Variants in NUP210 observed in about 807,000 individuals in gnomAD.
NUP210 encodes the protein nuclear pore membrane glycoprotein 210.
In NUP210, 151 loss-of-function variants were observed where a neutral mutation model predicts 196.0. The ratio of observed to expected loss-of-function variants is 0.77; its 90% CI spans 0.67 to 0.88. The LOEUF (loss-of-function observed/expected upper bound fraction) is 0.88, where lower values mean the gene tolerates loss of function less well. Among genes scored for constraint, NUP210 ranks in the 40% least tolerant of loss-of-function variants. NUP210 has a pLI of 0.00. For missense variants in NUP210, 2,314 were observed against 2,493.7 expected, an observed-to-expected ratio of 0.93 and a Z score of 1.53; for synonymous variants, 1,070 against 1,052.7, an observed-to-expected ratio of 1.02 and a Z score of -0.32.
rs529987908 is a variant in NUP210 at position 13,390,380 on chromosome 3, G to A, written c.533+831C>T. ...GACCATGCTTTTTAAAAATCACATG[G>A]CAAATCAGGAGGAAGGCGGCACAGT... On this transcript the variant is annotated intron_variant, in intron 4 of 39. Coordinates refer to ENST00000254508, the MANE Select transcript of NUP210 (RefSeq NM_024923.4). Among the ~76,000 whole-genome samples the A allele has an allele frequency of 5.3e-5, 8 of 152,276 alleles. No homozygotes were observed. The East Asian group carries it at 1.5e-3, about 29-fold the overall frequency.
In NUP210 at chr3:13,336,803, C is replaced by T. The variant is rs529877584; in HGVS notation, c.3668G>A (p.Arg1223Gln). 227 of 1,613,378 alleles carry T rather than the reference C, an allele frequency of 1.4e-4. 1 individual carries two copies. In the South Asian group the frequency reaches 2.2e-3, roughly 16 times the overall value. Residue 1223 changes from arginine (R) to glutamine (Q), a missense_variant, in exon 27 of 40, where the codon CGA (arginine) becomes CAA (glutamine). Arg to Gln is a conservative substitution (Grantham distance 43, BLOSUM62 1). Transcript: ENST00000254508. Reference sequence around the variant, plus strand: ...GTTACCTACCTCGTGGTGCCGCCCTCGGAGGTCCAGGACGTCCCGCTTGGT... The same window carrying T: ...GTTACCTACCTCGTGGTGCCGCCCTTGGAGGTCCAGGACGTCCCGCTTGGT... ...SVTKRDVLDL[R>Q]GRHHEASIRL...
In NUP210 at chr3:13,348,782, C is replaced by T. The variant is rs544415005; in HGVS notation, c.2835+3097G>A. On this transcript the variant is annotated intron_variant, in intron 20 of 39. Coordinates refer to ENST00000254508, the MANE Select transcript of NUP210 (RefSeq NM_024923.4). This position sits in a 1 kb window ranked among gnomAD's most constrained non-coding sequence, Gnocchi z 4.0. The stretch of plus-strand genomic sequence containing the variant: ...AACAGGAACAGTGGGACTCCCTCCC[C>T]CTCCTTGAGGCACGGCGCTGAGAAA... The T allele has an allele frequency of 6.1e-5, 60 of 985,376 alleles. No individual in the cohort carries two copies. In the African/African-American group the frequency reaches 8.7e-4, roughly 14 times the overall value. The allele number at this position is 985,376 out of a possible 1,614,324, so 61.0% of individuals were successfully genotyped here. A position where few individuals can be genotyped will look rare whatever the true frequency, so the allele number is the denominator to read the frequency against.
intron 15 of NUP210, among the ~76,000 whole-genome samples, chr3:13,359,096 G>C (rs993712422): frequency 6.6e-6 from 1 of 152,122 alleles, no homozygotes; most frequent in Admixed American, 6.5e-5. Flanking sequence ...TGGAGGACAC[G>C]AGCCCCTACC....
At chr3:13,370,508 G>C (rs1193372868) in intron 13 of NUP210, among the ~76,000 whole-genome samples, 2 of 152,166 alleles carry the variant, frequency 1.3e-5, no homozygotes, top group Non-Finnish European at 2.9e-5. Flanking sequence ...TTTCCTCCCG[G>C]GGACCTGAGC....
chr3:13,375,734 G>A (rs527681450), intron 10 of NUP210, 93 bp from the exon 11 acceptor site: 34 of 1,360,884 alleles, frequency 2.5e-5, no homozygotes, highest in East Asian at 1.2e-4. Context: ...CCTGGGGATC[G>A]GGTCACAAAG....
At position 13,339,849 on chromosome 3, in the gene NUP210, G is replaced by A; in HGVS notation, c.3471+5C>T. ...CTGCCCAGTCTCCAATAGCACGCCTGTTACCTGAGAGATGATGACCACCTT... is the reference window on the plus strand; with the variant it reads ...CTGCCCAGTCTCCAATAGCACGCCTATTACCTGAGAGATGATGACCACCTT... On this transcript the variant is annotated splice_donor_5th_base_variant and intron_variant, in intron 25 of 39. Coordinates refer to ENST00000254508, the MANE Select transcript of NUP210 (RefSeq NM_024923.4). The A allele has an allele frequency of 6.2e-7, 1 of 1,610,820 alleles. No individual in the cohort carries two copies. The highest frequency in any genetic ancestry group is 8.5e-7 in the Non-Finnish European group (1 of 1,178,236).
chr3:13,341,651 G>A, intron 23 of NUP210, 97 bp downstream of exon 23: 1 of 1,371,190 alleles, frequency 7.3e-7, no homozygotes, highest in Non-Finnish European at 1.0e-6. Context: ...ATTTTTATAT[G>A]GCTTCTCTAC....
chr3:13,405,774 C>G (rs1327129539), intron 1 of NUP210, among the ~76,000 whole-genome samples: 5 of 152,112 alleles, frequency 3.3e-5, no homozygotes, highest in Admixed American at 6.6e-5. Context: ...AAGTAATTTG[C>G]CCAAAGCCAC....
intron 13 of NUP210, among the ~76,000 whole-genome samples, chr3:13,368,744 C>T (rs919437048): frequency 3.9e-5 from 6 of 152,224 alleles, no homozygotes; most frequent in Admixed American, 6.5e-5. Flanking sequence ...TTCCATGTTG[C>T]AGCATGGGTC....
At chr3:13,321,546 T>G in intron 36 of NUP210, 39 bp downstream of exon 36, 1 of 1,593,302 alleles carries the variant, frequency 6.3e-7, no homozygotes, top group Non-Finnish European at 8.6e-7. Flanking sequence ...CTGATGCCCC[T>G]GACTCCGGCC....
At chr3:13,418,211 A>T (rs778759983) in intron 1 of NUP210, among the ~76,000 whole-genome samples, 4 of 152,262 alleles carry the variant, frequency 2.6e-5, no homozygotes, top group Non-Finnish European at 5.9e-5. Flanking sequence ...GGCCAGAAAT[A>T]GGAGCCTCCA....
rs1016360811 is a variant in NUP210 at position 13,316,487 on chromosome 3, G to C, written c.*1194C>G. 6.6e-6 allele frequency: 1 copy of C among 152,270 alleles called. No individual in the cohort carries two copies. The highest frequency in any genetic ancestry group is 2.4e-5 in the African/African-American group (1 of 41,464). 9.4% of individuals were successfully genotyped at this position (152,270 alleles called of 1,614,324 possible). On this transcript the variant is annotated 3_prime_UTR_variant, in exon 40 of 40. Coordinates refer to ENST00000254508, the MANE Select transcript of NUP210 (RefSeq NM_024923.4). ...GAGTCTCTGGATCTCCCTGAGGGTA[G>C]CCCAGCCTCGGCCTGGAGCACAGGG...
chr3:13,317,277 C>A lies in NUP210; in HGVS notation c.*404G>T. 1 of 214,938 alleles carries A rather than the reference C, an allele frequency of 4.7e-6. No individual in the cohort carries two copies. Among genetic ancestry groups the A allele is most frequent in the Non-Finnish European group, 9.4e-6 (1 of 106,314 alleles). 13.3% of individuals were successfully genotyped at this position (214,938 alleles called of 1,614,324 possible). On this transcript the variant is annotated 3_prime_UTR_variant, in exon 40 of 40. Coordinates refer to ENST00000254508, the MANE Select transcript of NUP210 (RefSeq NM_024923.4). Reference sequence around the variant, plus strand: ...CCTAAAGTAACTGGACAATCCTTTCCCTGAGACCACTACAGTAACATCACC... The same window carrying A: ...CCTAAAGTAACTGGACAATCCTTTCACTGAGACCACTACAGTAACATCACC...
rs1284565573 is a variant in NUP210 at position 13,379,089 on chromosome 3, G to A, written c.977-109C>T. 4.2e-6 allele frequency: 4 copies of A among 953,598 alleles called. No individual in the cohort carries two copies. The highest frequency in any genetic ancestry group is 5.1e-6 in the Non-Finnish European group (3 of 587,592). The allele number at this position is 953,598 out of a possible 1,614,324, so 59.1% of individuals were successfully genotyped here. ...TCATCAAGACATCACATGGAGAGAA[G>A]AAGAGGGGATGAAAACTCCCCTGGC... On this transcript the variant is annotated intron_variant, in intron 7 of 39. Transcript: ENST00000254508. The surrounding 1 kb of genome is among the most constrained non-coding windows in gnomAD (Gnocchi z 4.2).
rs1265185683 is a variant in NUP210, at chr3:13,410,618, TA to T, written c.167+9441del. ...CTAAGCAACAGTGAGACCCCATTTC[TA>T]AAAAAAAAAACAAAAAGGCCGGGCA... On this transcript the variant is annotated intron_variant, in intron 1 of 39. Transcript: ENST00000254508. Among the ~76,000 whole-genome samples, 87 of 137,458 alleles carry T rather than the reference TA, an allele frequency of 6.3e-4. 3 individuals carry two copies. Among genetic ancestry groups the T allele is most frequent in the South Asian group, 2.8e-3 (12 of 4,224 alleles). The allele number at this position is 137,458 out of a possible 152,430, so 90.2% of individuals were successfully genotyped here.
chr3:13,345,297 A>T, intron 20 of NUP210: 1 of 888,966 alleles, frequency 1.1e-6, no homozygotes, highest in African/African-American at 1.8e-5. Flanking sequence ...CAACCACTTC[A>T]ATGTGCAAAT....
chr3:13,346,778 C>A (rs1036003435), intron 20 of NUP210, among the ~76,000 whole-genome samples: 1 of 152,198 alleles, frequency 6.6e-6, no homozygotes, highest in African/African-American at 2.4e-5. Flanking sequence ...CCATTTCCTG[C>A]AGGCTGCTTG....
intron 14 of NUP210, among the ~76,000 whole-genome samples, chr3:13,362,743 A>G (rs889130912): frequency 2.0e-5 from 3 of 152,018 alleles, no homozygotes; most frequent in South Asian, 2.1e-4. Context: ...TCGACCTTCA[A>G]CAGAGCCAGG....
At chr3:13,413,773 G>A (rs1700254675) in intron 1 of NUP210, among the ~76,000 whole-genome samples, 1 of 152,112 alleles carries the variant, frequency 6.6e-6, no homozygotes, top group African/African-American at 2.4e-5. Flanking sequence ...TGGTGGAGGT[G>A]GCTGCACAAC....
Sources: allele counts gnomAD v4.1 joint callset (sites outside exome capture counted in the v4.1 genomes callset), GRCh38; gene constraint gnomAD v4.1.1; non-coding constraint Gnocchi (gnomAD v3.1); transcripts MANE v1.5; gene names NCBI Gene and HGNC (gene_info 2026-07-23, HGNC 2026-07-21).